Variants in MAOA observed in about 807,000 individuals in gnomAD.
The protein encoded by MAOA is monoamine oxidase A.
In MAOA, 6 loss-of-function variants were observed where a neutral mutation model predicts 42.0. That is an observed-to-expected ratio of 0.14 (90% CI 0.08 to 0.28). The LOEUF (loss-of-function observed/expected upper bound fraction) is 0.28. Ranked by LOEUF, MAOA falls within the 10% of genes least tolerant of loss-of-function variation. The probability of loss-of-function intolerance (pLI) is 1.00; values close to 1 mark genes in which losing one functional copy is unlikely to be tolerated. For synonymous variants in MAOA, 140 were observed against 154.0 expected, an observed-to-expected ratio of 0.91 and a Z score of 0.67; for missense variants, 262 against 422.3, an observed-to-expected ratio of 0.62 and a Z score of 3.33.
intron 3 of MAOA, among the ~76,000 whole-genome samples, chrX:43,709,736 C>T (rs916143912): frequency 2.7e-5 from 3 of 111,432 alleles, no homozygotes; most frequent in African/African-American, 9.8e-5. Context: ...CTCTCTTCTC[C>T]ATAGCTATTT....
intron 4 of MAOA, 53 bp downstream of exon 4, chrX:43,712,029 A>G: frequency 8.3e-6 from 7 of 842,698 alleles, no homozygotes; most frequent in Non-Finnish European, 1.2e-5. Flanking sequence ...AACAATGGCA[A>G]CTGTTTAATA....
chrX:43,742,357 A>T (rs954434523), intron 12 of MAOA, among the ~76,000 whole-genome samples: 2 of 112,448 alleles, frequency 1.8e-5, no homozygotes, highest in Non-Finnish European at 3.8e-5. Flanking sequence ...TTAGTCTCAC[A>T]TGACTGCCTT....
chrX:43,689,388 C>T (rs1405972864), intron 2 of MAOA, among the ~76,000 whole-genome samples: 1 of 111,687 alleles, frequency 9.0e-6, no homozygotes, highest in Admixed American at 9.5e-5. Flanking sequence ...TTCTTTCTTT[C>T]CTTCTTTTGG....
Position 43,728,173 on chromosome X carries a change from G to A in MAOA, c.504G>A (p.Lys168=). The change falls in exon 6 of 15, where the codon AAG becomes AAA. Residue 168 remains lysine, a splice_region_variant and synonymous_variant. Coordinates refer to ENST00000338702, the MANE Select transcript of MAOA (RefSeq NM_000240.4). ...ACTTCCACTTTTGTTCTATGAACAGGACTGCTAGGCGGTTTGCTTATCTTT... is the reference window on the plus strand; with the variant it reads ...ACTTCCACTTTTGTTCTATGAACAGAACTGCTAGGCGGTTTGCTTATCTTT... ...KELIDKICWT[K]TARRFAYLFV... 1 of 1,210,229 alleles carries A rather than the reference G, an allele frequency of 8.3e-7. No individual in the cohort carries two copies. Among genetic ancestry groups the A allele is most frequent in the Non-Finnish European group, 1.1e-6 (1 of 894,229 alleles).
At chrX:43,698,003 A>G (rs2033594441) in intron 3 of MAOA, among the ~76,000 whole-genome samples, 1 of 112,323 alleles carries the variant, frequency 8.9e-6, no homozygotes, top group South Asian at 3.7e-4. Context: ...GTATTGGGTT[A>G]ATAATACAAA....
chrX:43,700,170 C>G (rs933832831), intron 3 of MAOA, among the ~76,000 whole-genome samples: 1 of 111,639 alleles, frequency 9.0e-6, no homozygotes, highest in Non-Finnish European at 1.9e-5. Flanking sequence ...CATGTTTTAC[C>G]TCACTTGAGC....
intron 1 of MAOA, among the ~76,000 whole-genome samples, chrX:43,677,501 C>CT (rs1225845551): frequency 4.8e-5 from 5 of 105,065 alleles, no homozygotes; most frequent in Admixed American, 1.0e-4. Flanking sequence ...AGCAGACTAG[C>CT]TTTTTTTTTT....
chrX:43,694,406 C>A (rs1303297806), intron 3 of MAOA, among the ~76,000 whole-genome samples: 2 of 111,674 alleles, frequency 1.8e-5, no homozygotes, highest in African/African-American at 6.5e-5. Context: ...ACTCTGATAG[C>A]CACATGGTTT....
intron 1 of MAOA, chrX:43,657,916 G>A (rs2033198155): frequency 2.7e-6 from 2 of 752,310 alleles, no homozygotes. Flanking sequence ...GCCAGTACCA[G>A]CAAAAACATA....
chrX:43,734,331 A>T (rs185811758), intron 9 of MAOA, among the ~76,000 whole-genome samples: 1 of 110,815 alleles, frequency 9.0e-6, no homozygotes, highest in African/African-American at 3.3e-5. Context: ...ATACCAAAAT[A>T]ATCTGTTTCT....
At chrX:43,666,627 C>T (rs1308604243) in intron 1 of MAOA, among the ~76,000 whole-genome samples, 2 of 110,865 alleles carry the variant, frequency 1.8e-5, no homozygotes, top group East Asian at 2.8e-4. Context: ...GCTTTCCTCA[C>T]AGAAACCAGG....
chrX:43,742,167 A>G (rs2033965264), intron 12 of MAOA, 120 bp downstream of exon 12: 2 of 1,091,419 alleles, frequency 1.8e-6, no homozygotes, highest in East Asian at 6.5e-5. Context: ...TGTCCTAGAT[A>G]ATACTTGTAT....
At chrX:43,720,303 G>T (rs771917785) in intron 5 of MAOA, among the ~76,000 whole-genome samples, 62 of 109,678 alleles carry the variant, frequency 5.7e-4, no homozygotes, top group Admixed American at 1.4e-3. Flanking sequence ...TGCGGTGGCT[G>T]GGGAGACAAG....
intron 3 of MAOA, among the ~76,000 whole-genome samples, chrX:43,701,590 A>G (rs1316665272): frequency 3.6e-5 from 4 of 111,433 alleles, no homozygotes; most frequent in African/African-American, 6.5e-5. Flanking sequence ...CACTACAGGA[A>G]TTGTTTCTAA....
chrX:43,731,049 T>C (rs2033876991), intron 6 of MAOA, among the ~76,000 whole-genome samples, 192 bp from the exon 7 acceptor site: 1 of 112,090 alleles, frequency 8.9e-6, no homozygotes. Flanking sequence ...TGCCAGAAGC[T>C]GTGCAGGGAA....
In MAOA at chrX:43,681,864, C is replaced by CTA. The variant is rs781622470; in HGVS notation, c.74-1633_74-1632dup. Reference sequence around the variant, plus strand: ...AAAAATAAATGTATGCACAATAGCACTATATATATATATATATTTTTTTTT... The same window carrying CTA: ...AAAAATAAATGTATGCACAATAGCACTATATATATATATATATATTTTTTTTT... On this transcript the variant is annotated intron_variant, in intron 1 of 14. Coordinates refer to ENST00000338702, the MANE Select transcript of MAOA (RefSeq NM_000240.4). Among the ~76,000 whole-genome samples the CTA allele has an allele frequency of 9.1e-3, 866 of 94,935 alleles. 11 individuals are homozygous for CTA. The highest frequency in any genetic ancestry group is 0.03 in the African/African-American group (744 of 24,788). 82.4% of individuals were successfully genotyped at this position (94,935 alleles called of 115,157 possible).
chrX:43,681,880 A>ATT (rs768785097), intron 1 of MAOA, among the ~76,000 whole-genome samples: 1,589 of 87,517 alleles, frequency 0.018, 28 homozygotes, highest in Admixed American at 0.072. Context: ...ATATATATAT[A>ATT]TTTTTTTTTT....
chrX:43,669,427 A>T (rs2033310979), intron 1 of MAOA, among the ~76,000 whole-genome samples: 2 of 110,662 alleles, frequency 1.8e-5, no homozygotes, highest in African/African-American at 6.6e-5. Context: ...CGAAAAAAAT[A>T]ATAATAATTT....
At chrX:43,656,078 C>T (rs2033175962), upstream of MAOA, 6 of 402,347 alleles carry the variant, frequency 1.5e-5, no homozygotes, top group Non-Finnish European at 2.6e-5. Flanking sequence ...TAATAACTCT[C>T]GCCGAGTGTC....
Sources: gnomAD v4.1 joint callset for allele counts (sites outside exome capture counted in the v4.1 genomes callset) on GRCh38, gnomAD v4.1.1 for gene constraint, MANE v1.5 for transcripts, NCBI Gene and HGNC (gene_info 2026-07-23, HGNC 2026-07-21) for gene names.